Variants in CPNE4 observed in about 807,000 individuals in gnomAD.
CPNE4 encodes copine 4, also known as copine-4.
A neutral mutation model predicts 67.9 loss-of-function variants in CPNE4; 25 were observed. The ratio of observed to expected loss-of-function variants is 0.37; its 90% confidence interval spans 0.27 to 0.51. The LOEUF is 0.51. Among genes scored for constraint, CPNE4 ranks in the 20% least tolerant of loss-of-function variants. CPNE4 has a pLI of 0.93. For missense variants in CPNE4, 464 were observed against 690.8 expected (o/e 0.67, Z 3.68); for synonymous variants, 242 against 244.9 (o/e 0.99, Z 0.11).
intron 7 of CPNE4, among the ~76,000 whole-genome samples, chr3:131,592,630 C>T (rs765103365): frequency 1.7e-4 from 26 of 148,910 alleles, no homozygotes; most frequent in Admixed American, 6.1e-4. Flanking sequence ...TGTGTATATA[C>T]ACACACATAT....
chr3:131,787,615 G>A (rs9813860), intron 2 of CPNE4, among the ~76,000 whole-genome samples: 29,644 of 152,160 alleles, frequency 0.19, 3,537 homozygotes, highest in Non-Finnish European at 0.26. Context: ...TTTCTTGAAG[G>A]AGGATCTGGG....
At position 131,812,786 on chromosome 3, in the gene CPNE4, C is replaced by A. The variant is rs867885094; in HGVS notation, c.181-89161G>T. Among the ~76,000 whole-genome samples, 17 of 152,184 alleles carry A rather than the reference C, an allele frequency of 1.1e-4. No individual in the cohort carries two copies. The Middle Eastern group carries it at 0.014, about 122-fold the overall frequency. ...AGGAGCCATGGAAGAGTTAGTGCTGCAAAATACGTACAGTGTTGTGGGGAG... is the reference window on the plus strand; with the variant it reads ...AGGAGCCATGGAAGAGTTAGTGCTGAAAAATACGTACAGTGTTGTGGGGAG... On this transcript the variant is annotated intron_variant, in intron 2 of 15. Transcript: ENST00000429747.
intron 2 of CPNE4, among the ~76,000 whole-genome samples, chr3:131,778,873 T>C (rs1299201526): frequency 6.6e-6 from 1 of 152,082 alleles, no homozygotes; most frequent in Non-Finnish European, 1.5e-5. Context: ...GGCATCCAAA[T>C]TGGAAGAGAG....
chr3:131,755,306 T>G (rs2082726361), intron 2 of CPNE4, among the ~76,000 whole-genome samples: 1 of 151,870 alleles, frequency 6.6e-6, no homozygotes, highest in Admixed American at 6.6e-5. Context: ...ATTGGCTGAA[T>G]AAGAAAAGGC....
At chr3:131,575,654 A>G (rs1937532100) in intron 9 of CPNE4, among the ~76,000 whole-genome samples, 1 of 152,184 alleles carries the variant, frequency 6.6e-6, no homozygotes, top group African/African-American at 2.4e-5. Flanking sequence ...TTACTGAATG[A>G]CAGGTACTTA....
intron 2 of CPNE4, among the ~76,000 whole-genome samples, chr3:131,889,985 T>A (rs1459873493): frequency 2.0e-5 from 3 of 151,132 alleles, no homozygotes; most frequent in Admixed American, 6.6e-5. Context: ...ACTGAAAAAT[T>A]ACTACAAGAA....
At chr3:131,914,634 A>T (rs1298023796) in intron 1 of CPNE4, among the ~76,000 whole-genome samples, 1 of 128,964 alleles carries the variant, frequency 7.8e-6, no homozygotes, top group Non-Finnish European at 1.7e-5. Context: ...GTATATATTT[A>T]TATTTTTGTC....
intron 7 of CPNE4, among the ~76,000 whole-genome samples, chr3:131,620,001 G>C (rs978253665): frequency 1.3e-5 from 2 of 152,156 alleles, no homozygotes; most frequent in African/African-American, 4.8e-5. Context: ...AGTTTTGTAA[G>C]CGTAAACCCC....
intron 7 of CPNE4, among the ~76,000 whole-genome samples, chr3:131,656,370 C>A (rs967769830): frequency 6.6e-6 from 1 of 152,074 alleles, no homozygotes; most frequent in East Asian, 1.9e-4. Context: ...GAAACATTAA[C>A]CTAATTAACC....
chr3:131,984,221 C>T (rs560503040), intron 1 of CPNE4, among the ~76,000 whole-genome samples: 6 of 152,204 alleles, frequency 3.9e-5, no homozygotes, highest in African/African-American at 1.4e-4. Flanking sequence ...ACAAAGATCT[C>T]CTAACTCTTC....
At chr3:131,719,126 T>G (rs1481996977) in intron 3 of CPNE4, among the ~76,000 whole-genome samples, 4 of 152,134 alleles carry the variant, frequency 2.6e-5, no homozygotes, top group Non-Finnish European at 2.9e-5. Context: ...GGAAACATGG[T>G]TTAGAGATAC....
intron 7 of CPNE4, among the ~76,000 whole-genome samples, chr3:131,651,065 T>C (rs1327480305): frequency 2.0e-5 from 3 of 152,064 alleles, no homozygotes; most frequent in Non-Finnish European, 2.9e-5. Flanking sequence ...GAAGAGAAAA[T>C]GTTGAGGAAA....
At chr3:131,992,893 G>A (rs1392806742) in intron 1 of CPNE4, among the ~76,000 whole-genome samples, 1 of 135,862 alleles carries the variant, frequency 7.4e-6, no homozygotes, top group African/African-American at 2.5e-5. Context: ...GCTACCTGCT[G>A]CTATGTGAAG....
chr3:131,616,705 T>A (rs959845246), intron 7 of CPNE4, among the ~76,000 whole-genome samples: 7 of 152,174 alleles, frequency 4.6e-5, no homozygotes, highest in Non-Finnish European at 1.5e-5. Flanking sequence ...TCCCAACCAA[T>A]GAATCAGTAT....
chr3:132,029,443 CG>C (rs137942356), intron 1 of CPNE4, among the ~76,000 whole-genome samples: 1 of 152,234 alleles, frequency 6.6e-6, no homozygotes, highest in East Asian at 1.9e-4. Flanking sequence ...TTATGGGTCC[CG>C]GAGGTTGACT....
At chr3:131,601,036 G>A (rs1438555719) in intron 7 of CPNE4, among the ~76,000 whole-genome samples, 1 of 152,006 alleles carries the variant, frequency 6.6e-6, no homozygotes, top group Non-Finnish European at 1.5e-5. Flanking sequence ...ACTACCTTCA[G>A]GAGAGAGAAC....
intron 1 of CPNE4, among the ~76,000 whole-genome samples, chr3:131,931,645 CAT>C (rs2071063240): frequency 6.6e-6 from 1 of 152,038 alleles, no homozygotes; most frequent in Non-Finnish European, 1.5e-5. Flanking sequence ...TCCCCTCCCC[CAT>C]TTCATCCCTG....
At chr3:131,962,266 G>C (rs914501024) in intron 1 of CPNE4, among the ~76,000 whole-genome samples, 5 of 152,212 alleles carry the variant, frequency 3.3e-5, no homozygotes, top group African/African-American at 1.2e-4. Context: ...CAGGTGCTAA[G>C]TCAAGGGTAG....
At chr3:131,652,222 T>C (rs2079831662) in intron 7 of CPNE4, among the ~76,000 whole-genome samples, 1 of 152,226 alleles carries the variant, frequency 6.6e-6, no homozygotes. Context: ...AAACTCATTT[T>C]AGAAAGCTAA....
Sources: allele counts gnomAD v4.1 joint callset (sites outside exome capture counted in the v4.1 genomes callset), GRCh38; gene constraint gnomAD v4.1.1; transcripts MANE v1.5; gene names NCBI Gene and HGNC (gene_info 2026-07-23, HGNC 2026-07-21).